Variants in RFX8 observed in about 807,000 individuals in gnomAD.
RFX8 encodes the protein DNA-binding protein RFX8.
RFX8 carries 46 observed loss-of-function variants against 54.6 expected under a neutral mutation model. That is an observed-to-expected ratio of 0.84 (90% CI 0.67 to 1.08). The LOEUF (loss-of-function observed/expected upper bound fraction) is 1.08. Ranked by LOEUF, RFX8 falls within the 50% of genes least tolerant of loss-of-function variation. The pLI, the probability that RFX8 is intolerant of heterozygous loss-of-function variation, is 0.00. For missense variants in RFX8, 536 were observed against 562.3 expected (o/e 0.95, Z 0.47); for synonymous variants, 192 against 209.5 (o/e 0.92, Z 0.72).
chr2:101,422,517 CT>C lies in RFX8; in HGVS notation c.73-46del, dbSNP rs377478066. The C allele has an allele frequency of 3.7e-4, 426 of 1,148,018 alleles. 1 individual carries two copies. The highest frequency in any genetic ancestry group is 2.6e-3 in the African/African-American group (167 of 65,262). The allele number at this position is 1,148,018 out of a possible 1,614,324, so 71.1% of individuals were successfully genotyped here. On this transcript the variant is annotated intron_variant, in intron 2 of 11. Transcript: ENST00000428343. ...TGGATTATGTCTTTAAAATACAATA[CT>C]TTTTTTGGCATATAAATCTTCTTAT... is the stretch of plus-strand genomic sequence containing the variant.
chr2:101,457,831 T>A (rs182899596), intron 2 of RFX8, among the ~76,000 whole-genome samples: 1,548 of 152,290 alleles, frequency 0.01, 12 homozygotes, highest in Admixed American at 0.022. Flanking sequence ...CCATTATTAG[T>A]GTGTGGGAGT....
At chr2:101,417,458 G>C in intron 6 of RFX8, 76 bp downstream of exon 6, 16 of 1,351,996 alleles carry the variant, frequency 1.2e-5, no homozygotes, top group Non-Finnish European at 1.6e-5. Context: ...CTCCTGCCTC[G>C]GCCTTCCAAA....
Position 101,454,932 on chromosome 2 carries a change from T to C in RFX8, c.72+11845A>G, listed in dbSNP as rs534738650. Among the ~76,000 whole-genome samples, 115 of 152,336 alleles carry C rather than the reference T, an allele frequency of 7.5e-4. 1 individual carries two copies. The highest frequency in any genetic ancestry group is 2.7e-3 in the African/African-American group (112 of 41,592). ...TCCCATTTGTCAATTTTGGCTTTTG[T>C]TGCCATTGCTTTTGGTGTTTTAGTC... On this transcript the variant is annotated intron_variant, in intron 2 of 11. Coordinates refer to ENST00000428343, the MANE Select transcript of RFX8 (RefSeq NM_001145664.2).
intron 2 of RFX8, among the ~76,000 whole-genome samples, chr2:101,423,583 A>G (rs1686994161): frequency 6.6e-6 from 1 of 152,120 alleles, no homozygotes; most frequent in South Asian, 2.1e-4. Context: ...CTCAAACCTC[A>G]TGACCCGCTC....
intron 2 of RFX8, among the ~76,000 whole-genome samples, chr2:101,436,765 A>G (rs2148951872): frequency 6.6e-6 from 1 of 152,278 alleles, no homozygotes; most frequent in East Asian, 1.9e-4. Flanking sequence ...CACCATGGGG[A>G]CTGACCACCT....
In RFX8 at chr2:101,466,806, T is replaced by G; in HGVS notation, c.43A>C (p.Asn15His). ...YVETCGQNTE[N>H]QVNPATFGKC... ...CCAAAGGTGGCCGGGTTGACTTGGTTCTCAGTGTTTTGCCCACAGGTCTCC... is the reference window on the plus strand; with the variant it reads ...CCAAAGGTGGCCGGGTTGACTTGGTGCTCAGTGTTTTGCCCACAGGTCTCC... The change falls in exon 2 of 12, where the codon AAC becomes CAC. Residue 15 changes from asparagine to histidine, a missense_variant. Coordinates refer to ENST00000428343, the MANE Select transcript of RFX8 (RefSeq NM_001145664.2). 6.4e-7 allele frequency: 1 copy of G among 1,551,634 alleles called. No homozygotes were observed. Among genetic ancestry groups the G allele is most frequent in the Non-Finnish European group, 8.7e-7 (1 of 1,146,912 alleles).
intron 7 of RFX8, among the ~76,000 whole-genome samples, chr2:101,413,876 C>T (rs1188627300): frequency 2.0e-5 from 3 of 152,100 alleles, no homozygotes; most frequent in Admixed American, 2.0e-4. Flanking sequence ...CTGGGGAGGG[C>T]TCTGCACTGG....
chr2:101,415,610 T>C (rs952324971), intron 6 of RFX8, among the ~76,000 whole-genome samples: 1 of 64,922 alleles, frequency 1.5e-5, no homozygotes, highest in Non-Finnish European at 3.4e-5. Context: ...ACAGGTGTTC[T>C]CCTCTTGAAC....
chr2:101,460,445 G>A (rs1689204917), intron 2 of RFX8, among the ~76,000 whole-genome samples: 1 of 152,110 alleles, frequency 6.6e-6, no homozygotes, highest in African/African-American at 2.4e-5. Context: ...TTCTGGGTTT[G>A]ATTAGTGAAA....
rs909540021 is a variant in RFX8, at chr2:101,466,883, C to T, written c.-35G>A. ...AGGGACGCTGCACTCTTCGCAAATG[C>T]AGAAGTTGTCGACCAACCTGGAGGA... On this transcript the variant is annotated 5_prime_UTR_variant, in exon 2 of 12. Transcript: ENST00000428343. 2.0e-6 allele frequency: 3 copies of T among 1,508,424 alleles called. No homozygotes were observed. In the African/African-American group the frequency reaches 4.2e-5, roughly 21 times the overall value. The allele number at this position is 1,508,424 out of a possible 1,614,324, so 93.4% of individuals were successfully genotyped here.
rs138014673 is a variant in RFX8, at chr2:101,404,673, T to C, written c.928+1270A>G. 8.5e-3 allele frequency among the ~76,000 whole-genome samples: 1,294 copies of C among 152,008 alleles called. 16 individuals carry two copies. Among genetic ancestry groups the C allele is most frequent in the African/African-American group, 0.028 (1,158 of 41,444 alleles). The stretch of plus-strand genomic sequence containing the variant: ...AACTCCCAGGCTCAAGAGATCTGTG[T>C]CCCTCAGTCTCCCAAACTGCTGGGA... On this transcript the variant is annotated intron_variant, in intron 10 of 11. Transcript: ENST00000428343.
intron 4 of RFX8, 103 bp downstream of exon 4, chr2:101,421,621 A>T: frequency 2.7e-6 from 4 of 1,477,338 alleles, no homozygotes; most frequent in Non-Finnish European, 3.6e-6. Flanking sequence ...ACCATTGGAC[A>T]TCTGTTGACG....
intron 2 of RFX8, among the ~76,000 whole-genome samples, chr2:101,455,330 A>G (rs958949053): frequency 2.0e-5 from 3 of 151,992 alleles, no homozygotes; most frequent in Non-Finnish European, 2.9e-5. Context: ...GTTTTCTTCT[A>G]TGGTTTTTAT....
At chr2:101,405,871 C>G (rs144856010) in intron 10 of RFX8, 72 bp downstream of exon 10, 3 of 935,186 alleles carry the variant, frequency 3.2e-6, no homozygotes, top group Admixed American at 5.9e-5. Flanking sequence ...CATAGCAATA[C>G]GCAAAATACT....
At chr2:101,468,180 G>A (rs544964910) in intron 1 of RFX8, among the ~76,000 whole-genome samples, 7 of 152,294 alleles carry the variant, frequency 4.6e-5, no homozygotes, top group African/African-American at 1.7e-4. Flanking sequence ...CTTCCTTGGG[G>A]TAACAAATTA....
At chr2:101,403,557 C>T (rs555609627) in intron 10 of RFX8, among the ~76,000 whole-genome samples, 42 of 152,276 alleles carry the variant, frequency 2.8e-4, no homozygotes, top group Admixed American at 1.4e-3. Context: ...GAGGCCGAGG[C>T]GGGCAGATCA....
At chr2:101,440,274 G>A (rs1244219338) in intron 2 of RFX8, among the ~76,000 whole-genome samples, 6 of 152,168 alleles carry the variant, frequency 3.9e-5, no homozygotes, top group Non-Finnish European at 5.9e-5. Context: ...CTGCTGCCAA[G>A]TTTGGCCCTC....
intron 1 of RFX8, among the ~76,000 whole-genome samples, chr2:101,474,022 T>G (rs1690157349): frequency 6.6e-6 from 1 of 152,154 alleles, no homozygotes; most frequent in African/African-American, 2.4e-5. Flanking sequence ...TTTACGCGTG[T>G]GCGTGCATGG....
chr2:101,437,533 A>C (rs1298454273), intron 2 of RFX8, among the ~76,000 whole-genome samples: 1 of 152,002 alleles, frequency 6.6e-6, no homozygotes, highest in East Asian at 1.9e-4. Context: ...AGCCATGATC[A>C]TGCCACGTGA....
Sources: allele counts gnomAD v4.1 joint callset (sites outside exome capture counted in the v4.1 genomes callset), GRCh38; gene constraint gnomAD v4.1.1; transcripts MANE v1.5; gene names NCBI Gene and HGNC (gene_info 2026-07-23, HGNC 2026-07-21).